FARS2: variants seen among roughly 807,000 people sequenced by gnomAD.
The protein encoded by FARS2 is phenylalanyl-tRNA synthetase 2, mitochondrial.
A neutral mutation model predicts 46.4 loss-of-function variants in FARS2; 40 were observed. The ratio of observed to expected loss-of-function variants is 0.86; its 90% confidence interval spans 0.67 to 1.12. FARS2 has a LOEUF of 1.12. FARS2 is among the 50% of genes most tolerant of loss of function. The pLI is 0.00. For synonymous variants in FARS2, 234 were observed against 214.9 expected, an observed-to-expected ratio of 1.09 and a Z score of -0.78; for missense variants, 513 against 567.9, an observed-to-expected ratio of 0.90 and a Z score of 0.98.
chr6:5,633,769 A>G (rs992740341), intron 6 of FARS2, among the ~76,000 whole-genome samples: 1 of 152,050 alleles, frequency 6.6e-6, no homozygotes, highest in African/African-American at 2.4e-5. Context: ...GAAACAAAAT[A>G]TTTTCCTATA....
chr6:5,260,579 C>T, upstream of FARS2: 1 of 1,267,900 alleles, frequency 7.9e-7, no homozygotes, highest in Non-Finnish European at 1.1e-6. Flanking sequence ...GGATATTCCG[C>T]GTCAGCCCGC....
intron 4 of FARS2, among the ~76,000 whole-genome samples, chr6:5,438,202 A>G (rs1236818600): frequency 6.7e-6 from 1 of 148,902 alleles, no homozygotes; most frequent in African/African-American, 2.5e-5. Context: ...ATAATTTTTT[A>G]CTGTGCTGTC....
At chr6:5,633,389 C>A (rs961040854) in intron 6 of FARS2, among the ~76,000 whole-genome samples, 7 of 149,192 alleles carry the variant, frequency 4.7e-5, no homozygotes, top group Non-Finnish European at 8.9e-5. Flanking sequence ...GATTATCGTG[C>A]CTCAGCCTCC....
intron 5 of FARS2, chr6:5,609,795 C>T (rs1775068324): frequency 1.5e-6 from 2 of 1,350,516 alleles, no homozygotes; most frequent in African/African-American, 2.9e-5. Flanking sequence ...TCAGTCACTT[C>T]AGTTTTTCCA....
rs77247319 is a variant in FARS2 at position 5,281,239 on chromosome 6, T to G, written c.-22+19579T>G. On this transcript the variant is annotated intron_variant, in intron 1 of 6. Transcript: ENST00000274680. ...AAGCCTTAATAATATATAAATACTT[T>G]ACAAGTGAAGGTAAGACTTAAAAAG... Among the ~76,000 whole-genome samples the G allele has an allele frequency of 2.7e-3, 409 of 152,336 alleles. 1 individual carries two copies. Among genetic ancestry groups the G allele is most frequent in the African/African-American group, 9.3e-3 (386 of 41,574 alleles).
At chr6:5,350,589 C>T (rs912379014) in intron 1 of FARS2, among the ~76,000 whole-genome samples, 12 of 152,198 alleles carry the variant, frequency 7.9e-5, no homozygotes, top group African/African-American at 2.9e-4. Context: ...AGGCTACCTG[C>T]TTCAGGAAAT....
intron 6 of FARS2, among the ~76,000 whole-genome samples, chr6:5,653,864 C>T (rs1372576228): frequency 1.6e-4 from 24 of 151,962 alleles, no homozygotes; most frequent in South Asian, 4.2e-4. Context: ...TCGTGGAGTG[C>T]GGGGAAGAGG....
chr6:5,684,284 C>A (rs78258403), intron 6 of FARS2, among the ~76,000 whole-genome samples: 6,502 of 152,206 alleles, frequency 0.043, 184 homozygotes, highest in Non-Finnish European at 0.066. Context: ...CCCACTGACA[C>A]GTCCCCGGCC....
chr6:5,567,343 A>AT (rs1226508551), intron 5 of FARS2, among the ~76,000 whole-genome samples: 2 of 152,144 alleles, frequency 1.3e-5, no homozygotes, highest in Non-Finnish European at 2.9e-5. Flanking sequence ...TACTTTGCGC[A>AT]TTTTTTAATT....
intron 6 of FARS2, among the ~76,000 whole-genome samples, chr6:5,653,997 G>A (rs1777493059): frequency 6.6e-6 from 1 of 152,140 alleles, no homozygotes; most frequent in South Asian, 2.1e-4. Context: ...GCTGGCATGG[G>A]TGCTGTGTGT....
chr6:5,355,562 C>G (rs200953163), intron 1 of FARS2, among the ~76,000 whole-genome samples: 7 of 151,564 alleles, frequency 4.6e-5, no homozygotes, highest in African/African-American at 1.7e-4. Context: ...TTTCACCATG[C>G]TGGCCAGGCT....
intron 6 of FARS2, among the ~76,000 whole-genome samples, chr6:5,711,877 G>A (rs9504494): frequency 3.9e-4 from 59 of 152,186 alleles, no homozygotes; most frequent in African/African-American, 8.7e-4. Flanking sequence ...ATGTAGTGAC[G>A]TTGGTTCACT....
At chr6:5,396,514 T>C (rs903521077) in intron 2 of FARS2, among the ~76,000 whole-genome samples, 2 of 152,190 alleles carry the variant, frequency 1.3e-5, no homozygotes, top group Non-Finnish European at 2.9e-5. Flanking sequence ...ATAATTTGAT[T>C]CTGAAAGCAG....
chr6:5,594,359 T>C (rs1176697738), intron 5 of FARS2, among the ~76,000 whole-genome samples: 1 of 152,234 alleles, frequency 6.6e-6, no homozygotes, highest in Non-Finnish European at 1.5e-5. Flanking sequence ...CTGTGTTTTC[T>C]TTCTGTACTT....
intron 2 of FARS2, 92 bp downstream of exon 2, chr6:5,369,274 C>T: frequency 3.1e-6 from 4 of 1,311,362 alleles, no homozygotes; most frequent in East Asian, 2.4e-5. Context: ...CCAGCATAGT[C>T]ATCCTTGCTT....
intron 6 of FARS2, among the ~76,000 whole-genome samples, chr6:5,623,239 A>T (rs925827081): frequency 8.5e-5 from 13 of 152,204 alleles, no homozygotes; most frequent in African/African-American, 2.9e-4. Context: ...AGTCAATCTA[A>T]CTTGTACTTT....
intron 1 of FARS2, among the ~76,000 whole-genome samples, chr6:5,314,205 T>A (rs1331377989): frequency 6.6e-6 from 1 of 152,036 alleles, no homozygotes; most frequent in East Asian, 1.9e-4. Context: ...CAGTTGAGGG[T>A]CCCTGAAGGT....
At chr6:5,490,390 T>A (rs1458869419) in intron 4 of FARS2, among the ~76,000 whole-genome samples, 1 of 152,234 alleles carries the variant, frequency 6.6e-6, no homozygotes, top group Non-Finnish European at 1.5e-5. Flanking sequence ...CATAATGTGT[T>A]CATTTCTCTT....
chr6:5,641,145 C>T (rs760460036), intron 6 of FARS2, among the ~76,000 whole-genome samples: 2 of 152,100 alleles, frequency 1.3e-5, no homozygotes, highest in Non-Finnish European at 2.9e-5. Flanking sequence ...CCTTCACTTC[C>T]CTGGGTGTGT....
Sources: gnomAD v4.1 joint callset for allele counts (sites outside exome capture counted in the v4.1 genomes callset) on GRCh38, gnomAD v4.1.1 for gene constraint, MANE v1.5 for transcripts, NCBI Gene and HGNC (gene_info 2026-07-23, HGNC 2026-07-21) for gene names.